The following TARS3 variants were observed in gnomAD, a reference collection of about 807,000 sequenced individuals.
TARS3 encodes the protein threonyl-tRNA synthetase 3, also known as threonine--tRNA ligase 2, cytoplasmic.
In TARS3, 94 loss-of-function variants were observed where a neutral mutation model predicts 103.5. That is an observed-to-expected ratio of 0.91 (90% CI 0.77 to 1.08). TARS3 has a LOEUF of 1.08. Among genes scored for constraint, TARS3 ranks in the 50% least tolerant of loss-of-function variants. The pLI, the probability that TARS3 is intolerant of heterozygous loss-of-function variation, is 0.00. For synonymous variants in TARS3, 416 were observed against 355.4 expected (o/e 1.17, Z -1.92); for missense variants, 952 against 995.2 (o/e 0.96, Z 0.58).
intron 10 of TARS3, among the ~76,000 whole-genome samples, chr15:101,696,505 G>C (rs528094938): frequency 4.6e-5 from 7 of 152,256 alleles, no homozygotes; most frequent in African/African-American, 1.7e-4. Flanking sequence ...AGACAGTAAT[G>C]ATGAAATGGC....
In TARS3 at chr15:101,724,198, G is replaced by A. The variant is rs2141465989; in HGVS notation, c.190C>T (p.Leu64=). The A allele has an allele frequency of 5.9e-6, 9 of 1,524,732 alleles. No homozygotes were observed. The highest frequency in any genetic ancestry group is 7.0e-6 in the Non-Finnish European group (8 of 1,142,258). 94.5% of individuals were successfully genotyped at this position (1,524,732 alleles called of 1,614,324 possible). A position where few individuals can be genotyped will look rare whatever the true frequency, so the allele number is the denominator to read the frequency against. The change falls in exon 1 of 19, where the codon CTG becomes TTG. Residue 64 remains leucine (L), a synonymous_variant. Coordinates refer to ENST00000335968, the MANE Select transcript of TARS3 (RefSeq NM_152334.3). ...CGCAGGCTGCACAGGCGGTGGCGCA[G>A]GTCGCAGTTCTCGGCCCGGAGCTGC... ...VAQLRAENCD[L]RHRLCSLRLC...
intron 7 of TARS3, among the ~76,000 whole-genome samples, chr15:101,704,554 C>T (rs1899450204): frequency 2.0e-5 from 3 of 151,658 alleles, no homozygotes. Flanking sequence ...ACTTGGGAGG[C>T]TGAGGCAGGA....
rs765312118 is a variant in TARS3 at position 101,714,939 on chromosome 15, T to C, written c.591A>G (p.Val197=). The change falls in exon 4 of 19, where the codon GTA becomes GTG. Residue 197 remains valine, a synonymous_variant. Transcript: ENST00000335968. Reference sequence around the variant, plus strand: ...ACAGTTCACCATTGACTTTGGCTATTACCGTGCTTTCAGCCAGTTCCTGAC... The same window carrying C: ...ACAGTTCACCATTGACTTTGGCTATCACCGTGCTTTCAGCCAGTTCCTGAC... The part of the protein sequence containing the change: ...EISQELAEST[V]IAKVNGELWD... 4 of 1,611,214 alleles carry C rather than the reference T, an allele frequency of 2.5e-6. No homozygotes were observed. The highest frequency in any genetic ancestry group is 1.1e-5 in the South Asian group (1 of 90,628).
chr15:101,685,948 C>CA lies in TARS3; in HGVS notation c.1434dup (p.Glu479Ter). On this transcript the variant is annotated frameshift_variant, in exon 11 of 19. Coordinates refer to ENST00000335968, the MANE Select transcript of TARS3 (RefSeq NM_152334.3). LOFTEE classifies it high-confidence loss of function. The stretch of plus-strand genomic sequence containing the variant: ...AGGGCAAAAGTGTCCTTTTCAATCT[C>CA]AAAGGTAAACATGTTCTCGCTGTAA... 1 of 1,614,014 alleles carries CA rather than the reference C, an allele frequency of 6.2e-7. No homozygotes were observed.
rs780731407 is a variant in TARS3, at chr15:101,684,232, A to G, written c.1493T>C (p.Met498Thr). Residue 498 changes from methionine to threonine, a missense_variant, in exon 12 of 19, where the codon ATG becomes ACG. Met to Thr is a moderately conservative substitution (Grantham distance 81). Coordinates refer to ENST00000335968, the MANE Select transcript of TARS3 (RefSeq NM_152334.3). ...CCAAGATCGTGGACGATGGGCAAAC[A>G]TTAGACTAGAAAAGATGTGGTAACA... ...KPMNCPGHCL[M>T]FAHRPRSWRE... 1.9e-6 allele frequency: 3 copies of G among 1,613,572 alleles called. No individual in the cohort carries two copies. Among genetic ancestry groups the G allele is most frequent in the South Asian group, 2.2e-5 (2 of 90,982 alleles).
intron 7 of TARS3, among the ~76,000 whole-genome samples, chr15:101,704,239 A>T (rs1030275650): frequency 4.6e-5 from 7 of 152,238 alleles, no homozygotes; most frequent in African/African-American, 1.7e-4. Flanking sequence ...CGAAAATGTC[A>T]TCTCTCTCAA....
At chr15:101,719,773 C>T (rs1240954006) in intron 3 of TARS3, among the ~76,000 whole-genome samples, 1 of 152,192 alleles carries the variant, frequency 6.6e-6, no homozygotes, top group Non-Finnish European at 1.5e-5. Context: ...GACAGCAGAT[C>T]AACAAGATGG....
intron 7 of TARS3, among the ~76,000 whole-genome samples, chr15:101,705,294 C>T (rs1000756221): frequency 6.6e-6 from 1 of 152,162 alleles, no homozygotes; most frequent in Admixed American, 6.5e-5. Flanking sequence ...ATGGGGCAGA[C>T]TCTTCTACAC....
intron 8 of TARS3, among the ~76,000 whole-genome samples, chr15:101,703,175 A>G (rs553063803): frequency 3.0e-4 from 46 of 152,368 alleles, no homozygotes; most frequent in African/African-American, 1.1e-3. Flanking sequence ...TTACAACATC[A>G]TATCCCCTCC....
intron 10 of TARS3, among the ~76,000 whole-genome samples, chr15:101,688,881 T>C (rs1055043418): frequency 2.0e-5 from 3 of 152,198 alleles, no homozygotes; most frequent in Non-Finnish European, 4.4e-5. Flanking sequence ...TCCTGTCTTC[T>C]GTTTTTCAGT....
intron 16 of TARS3, among the ~76,000 whole-genome samples, chr15:101,658,578 C>G (rs981858576): frequency 1.3e-5 from 2 of 152,156 alleles, no homozygotes; most frequent in African/African-American, 4.8e-5. Flanking sequence ...AAGTGATGGA[C>G]TGTCCTGTGC....
At chr15:101,689,256 T>C (rs960054088) in intron 10 of TARS3, among the ~76,000 whole-genome samples, 1 of 152,080 alleles carries the variant, frequency 6.6e-6, no homozygotes, top group Non-Finnish European at 1.5e-5. Flanking sequence ...GCCTTTGATA[T>C]CAACACATCT....
chr15:101,680,452 A>T (rs1898215060), intron 12 of TARS3, among the ~76,000 whole-genome samples: 1 of 152,204 alleles, frequency 6.6e-6, no homozygotes, highest in African/African-American at 2.4e-5. Context: ...AAAAACACCT[A>T]AGGAACTCAC....
intron 15 of TARS3, among the ~76,000 whole-genome samples, chr15:101,665,465 A>C (rs1897544739): frequency 1.3e-5 from 2 of 152,252 alleles, no homozygotes; most frequent in South Asian, 4.1e-4. Context: ...CCTACAGCCT[A>C]CAGAAACTGC....
chr15:101,721,118 C>T lies in TARS3; in HGVS notation c.566+8G>A, dbSNP rs777772912. 1.0e-4 allele frequency: 166 copies of T among 1,589,660 alleles called. No individual in the cohort carries two copies. The highest frequency in any genetic ancestry group is 3.3e-4 in the Middle Eastern group (2 of 6,016). ...AAGATTGAATATCTTTTCCACACTGCGGTTTACCTAATTTCAGCAGCCACT... is the reference window on the plus strand; with the variant it reads ...AAGATTGAATATCTTTTCCACACTGTGGTTTACCTAATTTCAGCAGCCACT... On this transcript the variant is annotated splice_region_variant and intron_variant, in intron 3 of 18. Coordinates refer to ENST00000335968, the MANE Select transcript of TARS3 (RefSeq NM_152334.3).
At chr15:101,661,901 TTTAGA>T (rs1291907161) in intron 15 of TARS3, 85 bp from the exon 16 acceptor site, 1 of 791,578 alleles carries the variant, frequency 1.3e-6, no homozygotes, top group Non-Finnish European at 1.9e-6. Context: ...TGAGAATAGA[TTTAGA>T]TTAGTGATAT....
chr15:101,703,940 A>T lies in TARS3; in HGVS notation c.996-3T>A. The T allele has an allele frequency of 6.2e-7, 1 of 1,606,082 alleles. No homozygotes were observed. Among genetic ancestry groups the T allele is most frequent in the African/African-American group, 1.3e-5 (1 of 74,866 alleles). ...AAAGGTCAATTAATGGACCGCACCT[A>T]TAATGAAATATTTAGGACATGCTCA... On this transcript the variant is annotated splice_region_variant and splice_polypyrimidine_tract_variant and intron_variant, in intron 7 of 18. Transcript: ENST00000335968.
chr15:101,724,064 T>C, intron 1 of TARS3, 27 bp downstream of exon 1: 1 of 1,343,502 alleles, frequency 7.4e-7, no homozygotes, highest in South Asian at 1.8e-5. Context: ...GCCCGCGTCC[T>C]CTCCAGTGTC....
chr15:101,724,075 C>T lies in TARS3; in HGVS notation c.297+16G>A. 2.9e-6 allele frequency: 4 copies of T among 1,360,560 alleles called. No homozygotes were observed. Among genetic ancestry groups the T allele is most frequent in the Non-Finnish European group, 3.8e-6 (4 of 1,059,762 alleles). The allele number at this position is 1,360,560 out of a possible 1,614,324, so 84.3% of individuals were successfully genotyped here. ...CCCCGCCCGCGTCCTCTCCAGTGTC[C>T]CCACCGCCCGGTTACCTGTGCGCCG... is the stretch of plus-strand genomic sequence containing the variant. On this transcript the variant is annotated intron_variant, in intron 1 of 18. Transcript: ENST00000335968.
Sources: allele counts gnomAD v4.1 joint callset (sites outside exome capture counted in the v4.1 genomes callset), GRCh38; gene constraint gnomAD v4.1.1; transcripts MANE v1.5; gene names NCBI Gene and HGNC (gene_info 2026-07-23, HGNC 2026-07-21).